The following WDR35 variants were observed in gnomAD, a reference collection of about 807,000 sequenced individuals.
WDR35 encodes the protein WD repeat-containing protein 35.
In WDR35, 118 loss-of-function variants were observed where a neutral mutation model predicts 158.3. The observed-to-expected ratio is 0.75, with a 90% confidence interval of 0.64 to 0.87. The LOEUF (loss-of-function observed/expected upper bound fraction) is 0.87. WDR35 is among the 40% of genes least tolerant of loss of function. The pLI is 0.00. For synonymous variants in WDR35, 448 were observed against 476.1 expected (o/e 0.94, Z 0.77); for missense variants, 1,263 against 1,405.8 (o/e 0.90, Z 1.62).
At position 19,948,223 on chromosome 2, in the gene WDR35, A is replaced by G. The variant is rs1368060900; in HGVS notation, c.1471-6T>C. 1 of 1,609,250 alleles carries G rather than the reference A, an allele frequency of 6.2e-7. No homozygotes were observed. The highest frequency in any genetic ancestry group is 8.5e-7 in the Non-Finnish European group (1 of 1,178,066). Reference sequence around the variant, plus strand: ...CAAATTGGATCCCTTGTGCCCTAAAATAAATTAATCAATCATTACTATTCA... The same window carrying G: ...CAAATTGGATCCCTTGTGCCCTAAAGTAAATTAATCAATCATTACTATTCA... On this transcript the variant is annotated splice_polypyrimidine_tract_variant and splice_region_variant and intron_variant, in intron 13 of 26. Transcript: ENST00000281405.
At position 19,983,404 on chromosome 2, in the gene WDR35, T is replaced by C. The variant is rs375632079; in HGVS notation, c.143-870A>G. Among the ~76,000 whole-genome samples the C allele has an allele frequency of 4.9e-4, 74 of 152,290 alleles. No homozygotes were observed. The South Asian group carries it at 0.014, about 29-fold the overall frequency. Reference sequence around the variant, plus strand: ...TAGGCACAAGAAAAACTATGAAGTATTTGTAGAAAATGATAAGAATTTTAG... The same window carrying C: ...TAGGCACAAGAAAAACTATGAAGTACTTGTAGAAAATGATAAGAATTTTAG... On this transcript the variant is annotated intron_variant, in intron 2 of 26. Coordinates refer to ENST00000281405, the MANE Select transcript of WDR35 (RefSeq NM_020779.4).
intron 1 of WDR35, among the ~76,000 whole-genome samples, chr2:19,989,513 A>C (rs1228657422): frequency 6.6e-6 from 1 of 152,244 alleles, no homozygotes; most frequent in Non-Finnish European, 1.5e-5. Context: ...CTGCGGAGGA[A>C]GCCAACGCCA....
intron 25 of WDR35, among the ~76,000 whole-genome samples, chr2:19,923,264 G>C (rs1479897358): frequency 2.0e-5 from 3 of 152,160 alleles, no homozygotes; most frequent in African/African-American, 7.2e-5. Flanking sequence ...TCGGCAAGTG[G>C]CATCCACCGT....
chr2:19,924,128 T>C (rs1026047818), intron 25 of WDR35, among the ~76,000 whole-genome samples: 1 of 152,152 alleles, frequency 6.6e-6, no homozygotes, highest in African/African-American at 2.4e-5. Flanking sequence ...GATGATGCCA[T>C]AGAACAGCTT....
intron 25 of WDR35, among the ~76,000 whole-genome samples, chr2:19,919,253 C>T (rs192395913): frequency 4.6e-5 from 7 of 151,660 alleles, no homozygotes; most frequent in East Asian, 1.9e-4. Flanking sequence ...TGGTGGCGGG[C>T]GCCTGTAGTC....
chr2:19,930,467 TC>T lies in WDR35; in HGVS notation c.3049del (p.Glu1017ArgfsTer22). 6.2e-7 allele frequency: 1 copy of T among 1,614,158 alleles called. No homozygotes were observed. The highest frequency in any genetic ancestry group is 8.5e-7 in the Non-Finnish European group (1 of 1,180,032). ...RFTDNAWRGA[E>X]AYHFFILAQR... ...TGCAAGTATAAAGAAGTGGTAAGCC[TC>T]TGCCCCTCTCCATGCATTATCTGTG... is the stretch of plus-strand genomic sequence containing the variant. On this transcript the variant is annotated frameshift_variant, in exon 25 of 27. Transcript: ENST00000281405. LOFTEE classifies it high-confidence loss of function.
Position 19,945,940 on chromosome 2 carries a change from C to T in WDR35, c.1691G>A (p.Arg564Gln), listed in dbSNP as rs140043741. Residue 564 changes from arginine to glutamine, a missense_variant, in exon 16 of 27, where the codon CGA (arginine) becomes CAA (glutamine). By Grantham distance (43) the Arg-to-Gln change is conservative (BLOSUM62 1). Transcript: ENST00000281405. ...GVLTFFDLDA[R>Q]VTDSTGQQVV... ...TTGCTGTCCCGTACTGTCCGTTACTCGAGCATCCAAGTCAAAGAAAGTCAG... is the reference window on the plus strand; with the variant it reads ...TTGCTGTCCCGTACTGTCCGTTACTTGAGCATCCAAGTCAAAGAAAGTCAG... The T allele has an allele frequency of 1.6e-5, 26 of 1,613,758 alleles. No homozygotes were observed. The African/African-American group carries it at 2.0e-4, about 12-fold the overall frequency.
At chr2:19,920,377 C>T (rs1046745512) in intron 25 of WDR35, among the ~76,000 whole-genome samples, 13 of 152,180 alleles carry the variant, frequency 8.5e-5, no homozygotes, top group Non-Finnish European at 1.8e-4. Flanking sequence ...GAAAGCTTAT[C>T]CACCATGATC....
chr2:19,932,563 T>C, intron 22 of WDR35, 116 bp from the exon 23 acceptor site: 1 of 1,281,200 alleles, frequency 7.8e-7, no homozygotes, highest in Non-Finnish European at 1.1e-6. Context: ...AATTAAAAAC[T>C]GGTATGTTTT....
rs114730453 is a variant in WDR35, at chr2:19,929,901, C to T, written c.3121+495G>A. Among the ~76,000 whole-genome samples the T allele has an allele frequency of 9.4e-3, 1,427 of 151,870 alleles. 22 individuals are homozygous for T. Among genetic ancestry groups the T allele is most frequent in the African/African-American group, 0.033 (1,352 of 41,416 alleles). ...AGCTAAGTATCACTTTTATAAAACA[C>T]AAGATAAATGCTATAGCAATGTATA... is the stretch of plus-strand genomic sequence containing the variant. On this transcript the variant is annotated intron_variant, in intron 25 of 26. Transcript: ENST00000281405.
intron 19 of WDR35, among the ~76,000 whole-genome samples, chr2:19,937,420 A>T (rs1038831747): frequency 2.6e-5 from 4 of 152,226 alleles, no homozygotes; most frequent in Non-Finnish European, 5.9e-5. Context: ...AAACAAAGAA[A>T]GAAAGAACTG....
At chr2:19,924,918 G>C (rs755274246) in intron 25 of WDR35, among the ~76,000 whole-genome samples, 3 of 152,184 alleles carry the variant, frequency 2.0e-5, no homozygotes, top group Non-Finnish European at 4.4e-5. Context: ...TGTCCAAAAT[G>C]TAAAAAAGGA....
intron 13 of WDR35, 142 bp from the exon 14 acceptor site, chr2:19,948,359 G>A (rs1671124903): frequency 2.9e-6 from 2 of 690,642 alleles, no homozygotes; most frequent in Admixed American, 2.5e-5. Context: ...CCTACTATGT[G>A]CCAACCACTG....
At chr2:19,985,099 G>A (rs1401097267) in intron 2 of WDR35, among the ~76,000 whole-genome samples, 4 of 152,192 alleles carry the variant, frequency 2.6e-5, no homozygotes, top group African/African-American at 9.7e-5. Flanking sequence ...GTCACTGCCT[G>A]CAGGTACCGG....
intron 25 of WDR35, among the ~76,000 whole-genome samples, chr2:19,914,680 TA>T (rs540679346): frequency 4.6e-5 from 7 of 151,374 alleles, no homozygotes; most frequent in East Asian, 3.9e-4. Context: ...TTCCTTTTGT[TA>T]AAAAAAAAGC....
At chr2:19,987,912 A>G (rs570577602) in intron 2 of WDR35, among the ~76,000 whole-genome samples, 125 of 152,022 alleles carry the variant, frequency 8.2e-4, no homozygotes, top group African/African-American at 2.9e-3. Flanking sequence ...ACACACGTAT[A>G]TATATATCTA....
At chr2:19,936,788 G>A (rs1670710977) in intron 19 of WDR35, among the ~76,000 whole-genome samples, 3 of 152,118 alleles carry the variant, frequency 2.0e-5, no homozygotes. Flanking sequence ...CACCAAACTT[G>A]TTGACGCCTT....
intron 17 of WDR35, among the ~76,000 whole-genome samples, chr2:19,940,442 T>C (rs1414243492): frequency 2.0e-5 from 3 of 152,184 alleles, no homozygotes; most frequent in Non-Finnish European, 2.9e-5. Context: ...GTATTCAAGT[T>C]AAACGGGCAA....
At chr2:19,940,228 A>C (rs563787782) in intron 17 of WDR35, among the ~76,000 whole-genome samples, 1 of 150,922 alleles carries the variant, frequency 6.6e-6, no homozygotes, top group Non-Finnish European at 1.5e-5. Flanking sequence ...TTAGCCAAGC[A>C]TGGCGGCCTG....
Sources: gnomAD v4.1 joint callset for allele counts (sites outside exome capture counted in the v4.1 genomes callset) on GRCh38, gnomAD v4.1.1 for gene constraint, MANE v1.5 for transcripts, NCBI Gene and HGNC (gene_info 2026-07-23, HGNC 2026-07-21) for gene names.